Variants in RPIA observed in about 807,000 individuals in gnomAD.
RPIA encodes the protein ribose-5-phosphate isomerase.
RPIA carries 29 observed loss-of-function variants against 37.8 expected under a neutral mutation model. The ratio of observed to expected loss-of-function variants is 0.77; its 90% CI spans 0.57 to 1.05. The LOEUF (loss-of-function observed/expected upper bound fraction) is 1.05, where lower values mean the gene tolerates loss of function less well. RPIA is among the 50% of genes least tolerant of loss of function. The pLI is 0.00. For missense variants in RPIA, 385 were observed against 413.6 expected, an observed-to-expected ratio of 0.93 and a Z score of 0.60; for synonymous variants, 167 against 157.0, an observed-to-expected ratio of 1.06 and a Z score of -0.48.
Position 88,691,849 on chromosome 2 carries a change from AC to A in RPIA, c.154del (p.Arg52ValfsTer43). On this transcript the variant is annotated frameshift_variant, in exon 1 of 9. Transcript: ENST00000283646. LOFTEE classifies it high-confidence loss of function. ...GCTGCCGGGGCGTGCACAGTCTGGG[AC>A]CCGTGGCGGTGCTGGCAACACAAGC... ...VRLPGRAQSG[T>X]RGGAGNTSTS... 2 of 1,596,930 alleles carry A rather than the reference AC, an allele frequency of 1.3e-6. No homozygotes were observed. Among genetic ancestry groups the A allele is most frequent in the South Asian group, 2.3e-5 (2 of 88,588 alleles).
chr2:88,697,466 A>G (rs779262389), intron 1 of RPIA, among the ~76,000 whole-genome samples: 5 of 152,248 alleles, frequency 3.3e-5, no homozygotes, highest in Non-Finnish European at 7.3e-5. Context: ...TGAGCTGCAT[A>G]TTAGTTCCTG....
chr2:88,692,149 C>T (rs577700829), intron 1 of RPIA, among the ~76,000 whole-genome samples, 166 bp downstream of exon 1: 2 of 152,304 alleles, frequency 1.3e-5, no homozygotes, highest in East Asian at 3.9e-4. Context: ...CTCTTCCCTG[C>T]TCCTTAAAGA....
At chr2:88,713,153 C>CTTTTTTTTTTT (rs1175205465) in intron 3 of RPIA, among the ~76,000 whole-genome samples, 6 of 24,296 alleles carry the variant, frequency 2.5e-4, no homozygotes, top group African/African-American at 4.3e-4. Context: ...ACGAGTAGGC[C>CTTTTTTTTTTT]TTTTTTTTTT....
intron 3 of RPIA, among the ~76,000 whole-genome samples, chr2:88,705,852 A>G (rs1450898081): frequency 2.0e-5 from 3 of 152,176 alleles, no homozygotes; most frequent in African/African-American, 7.2e-5. Context: ...AACTTAAACA[A>G]ATTTATAAGA....
intron 3 of RPIA, among the ~76,000 whole-genome samples, chr2:88,717,702 A>G (rs1673053713): frequency 6.6e-6 from 1 of 152,132 alleles, no homozygotes; most frequent in Non-Finnish European, 1.5e-5. Flanking sequence ...CTTTTGGAGA[A>G]AGTATTTTAG....
At chr2:88,714,152 A>G (rs920550356) in intron 3 of RPIA, among the ~76,000 whole-genome samples, 4 of 130,038 alleles carry the variant, frequency 3.1e-5, no homozygotes, top group African/African-American at 1.2e-4. Context: ...CTATCTGCTC[A>G]TTTTTTGTTT....
intron 3 of RPIA, among the ~76,000 whole-genome samples, chr2:88,719,470 G>A (rs1673093122): frequency 6.6e-6 from 1 of 151,974 alleles, no homozygotes; most frequent in South Asian, 2.1e-4. Flanking sequence ...AGGGAACCTG[G>A]TATCTTAAAG....
chr2:88,721,142 A>G (rs1673116368), intron 3 of RPIA, among the ~76,000 whole-genome samples: 1 of 151,986 alleles, frequency 6.6e-6, no homozygotes, highest in African/African-American at 2.4e-5. Context: ...GCATGTTCTC[A>G]CTCATAAGTG....
At chr2:88,714,348 T>A (rs2104098769) in intron 3 of RPIA, among the ~76,000 whole-genome samples, 1 of 152,256 alleles carries the variant, frequency 6.6e-6, no homozygotes, top group African/African-American at 2.4e-5. Context: ...TTTTTTGTAT[T>A]TCTAGTAGAG....
In RPIA at chr2:88,691,728, C is replaced by G. The variant is rs760745312; in HGVS notation, c.30C>G (p.Leu10=). Residue 10 remains leucine, a synonymous_variant, in exon 1 of 9, where the codon CTC becomes CTG. Coordinates refer to ENST00000283646, the MANE Select transcript of RPIA (RefSeq NM_144563.3). ...AGCGCCCCGGGCCCTTCAGCACCCT[C>G]TACGGGCGGGTCTTGGCCCCGCTGC... is the stretch of plus-strand genomic sequence containing the variant. MQRPGPFST[L]YGRVLAPLPG... 8 of 1,593,518 alleles carry G rather than the reference C, an allele frequency of 5.0e-6. 2 individuals are homozygous for G. The South Asian group carries it at 8.9e-5, about 18-fold the overall frequency.
At chr2:88,692,207 C>A (rs1341883165) in intron 1 of RPIA, among the ~76,000 whole-genome samples, 1 of 152,184 alleles carries the variant, frequency 6.6e-6, no homozygotes, top group Non-Finnish European at 1.5e-5. Context: ...AATACTTGAG[C>A]TTTCTAAAGA....
intron 3 of RPIA, among the ~76,000 whole-genome samples, chr2:88,724,654 C>T (rs1673175165): frequency 6.6e-6 from 1 of 152,048 alleles, no homozygotes; most frequent in Non-Finnish European, 1.5e-5. Flanking sequence ...GTATCCTGAG[C>T]CCTAACAGTT....
At position 88,699,695 on chromosome 2, in the gene RPIA, A is replaced by C. The variant is rs369610390; in HGVS notation, c.347-314A>C. ...CAAAATGCGGAAAATAATTTAACTT[A>C]CCTTTTGGGTTGTTAGGATTAAGAG... On this transcript the variant is annotated intron_variant, in intron 2 of 8. Coordinates refer to ENST00000283646, the MANE Select transcript of RPIA (RefSeq NM_144563.3). Among the ~76,000 whole-genome samples, 65 of 152,214 alleles carry C rather than the reference A, an allele frequency of 4.3e-4. No homozygotes were observed. In the South Asian group the frequency reaches 0.012, roughly 28 times the overall value.
intron 3 of RPIA, among the ~76,000 whole-genome samples, chr2:88,708,191 G>T (rs1672919124): frequency 6.6e-6 from 1 of 152,218 alleles, no homozygotes; most frequent in South Asian, 2.1e-4. Context: ...TTGTCTATCA[G>T]GTCTTGTCTG....
At chr2:88,745,020 T>C (rs1673424333) in intron 8 of RPIA, among the ~76,000 whole-genome samples, 1 of 152,188 alleles carries the variant, frequency 6.6e-6, no homozygotes, top group African/African-American at 2.4e-5. Context: ...TGCAATGGCA[T>C]GTTCTTGGCT....
chr2:88,741,907 AT>A (rs1408971078), intron 8 of RPIA, among the ~76,000 whole-genome samples: 4 of 151,206 alleles, frequency 2.6e-5, no homozygotes, highest in Non-Finnish European at 4.4e-5. Flanking sequence ...TTTTGATGGG[AT>A]TTTTTTTCTT....
intron 3 of RPIA, among the ~76,000 whole-genome samples, chr2:88,727,257 C>T (rs7596685): frequency 0.06 from 9,161 of 152,258 alleles, 484 homozygotes; most frequent in African/African-American, 0.14. Flanking sequence ...CTCACACAGA[C>T]TAACTCTGGG....
intron 3 of RPIA, among the ~76,000 whole-genome samples, chr2:88,727,115 G>A (rs544741749): frequency 2.6e-5 from 4 of 152,118 alleles, no homozygotes; most frequent in South Asian, 4.1e-4. Flanking sequence ...ATGTGTGCGC[G>A]TGCATGTGTG....
chr2:88,745,594 A>G (rs1222988866), intron 8 of RPIA, among the ~76,000 whole-genome samples: 1 of 152,210 alleles, frequency 6.6e-6, no homozygotes, highest in African/African-American at 2.4e-5. Context: ...TAAGGAGGCT[A>G]AAGATAAGAC....
Sources: gnomAD v4.1 joint callset for allele counts (sites outside exome capture counted in the v4.1 genomes callset) on GRCh38, gnomAD v4.1.1 for gene constraint, MANE v1.5 for transcripts, NCBI Gene and HGNC (gene_info 2026-07-23, HGNC 2026-07-21) for gene names.